The following NCAPD3 variants were observed in gnomAD, a reference collection of about 807,000 sequenced individuals.
NCAPD3 encodes non-SMC condensin II complex subunit D3, also known as condensin-2 complex subunit D3.
In NCAPD3, 105 loss-of-function variants were observed where a neutral mutation model predicts 182.9. The ratio of observed to expected loss-of-function variants is 0.57; its 90% CI spans 0.49 to 0.68. The LOEUF (loss-of-function observed/expected upper bound fraction) is 0.68, where lower values mean the gene tolerates loss of function less well. Ranked by LOEUF, NCAPD3 falls within the 30% of genes least tolerant of loss-of-function variation. The probability of loss-of-function intolerance (pLI) is 0.00; values close to 1 mark genes in which losing one functional copy is unlikely to be tolerated. For synonymous variants in NCAPD3, 815 were observed against 679.9 expected, an observed-to-expected ratio of 1.20 and a Z score of -3.09; for missense variants, 1,944 against 1,837.0, an observed-to-expected ratio of 1.06 and a Z score of -1.07.
At chr11:134,222,102 C>T (rs1327056375) in intron 1 of NCAPD3, among the ~76,000 whole-genome samples, 1 of 152,204 alleles carries the variant, frequency 6.6e-6, no homozygotes, top group Non-Finnish European at 1.5e-5. Flanking sequence ...ACCATTTGGT[C>T]ACAGAAGTCT....
At chr11:134,193,690 T>C (rs1944568778) in intron 15 of NCAPD3, among the ~76,000 whole-genome samples, 1 of 152,176 alleles carries the variant, frequency 6.6e-6, no homozygotes, top group Admixed American at 6.5e-5. Context: ...GAGGCAGAAG[T>C]TGCAGTGAGC....
At chr11:134,167,269 A>G (rs1187434372) in intron 27 of NCAPD3, among the ~76,000 whole-genome samples, 1 of 81,286 alleles carries the variant, frequency 1.2e-5, no homozygotes, top group Non-Finnish European at 2.4e-5. Flanking sequence ...TTAGGGGAGC[A>G]GCACACTCAC....
chr11:134,165,857 G>A (rs1247212328), intron 27 of NCAPD3, among the ~76,000 whole-genome samples: 2 of 139,130 alleles, frequency 1.4e-5, no homozygotes, highest in African/African-American at 5.5e-5. Context: ...GATGAGCTTA[G>A]GGGAGCTGCA....
At chr11:134,171,568 C>A (rs375865735) in intron 24 of NCAPD3, among the ~76,000 whole-genome samples, 1 of 152,164 alleles carries the variant, frequency 6.6e-6, no homozygotes, top group Non-Finnish European at 1.5e-5. Context: ...AGGACTGGGG[C>A]TCAGACCCAT....
At chr11:134,224,365 C>G, upstream of NCAPD3, 1 of 232,682 alleles carries the variant, frequency 4.3e-6, no homozygotes, top group East Asian at 1.3e-4. Flanking sequence ...GCGTAATATC[C>G]GAATGTGAAA....
intron 19 of NCAPD3, among the ~76,000 whole-genome samples, chr11:134,182,316 A>G (rs572029946): frequency 1.3e-5 from 2 of 152,364 alleles, no homozygotes; most frequent in Admixed American, 1.3e-4. Context: ...CATTTTGGGC[A>G]GACCTCAGTA....
intron 28 of NCAPD3, among the ~76,000 whole-genome samples, chr11:134,160,705 C>T (rs989566891): frequency 6.6e-6 from 1 of 152,120 alleles, no homozygotes; most frequent in Non-Finnish European, 1.5e-5. Context: ...TTCCACCTAA[C>T]AGTAATAGGG....
chr11:134,212,768 A>C (rs755647542), intron 3 of NCAPD3, among the ~76,000 whole-genome samples: 1 of 152,336 alleles, frequency 6.6e-6, no homozygotes, highest in Non-Finnish European at 1.5e-5. Flanking sequence ...ATAAACTGTG[A>C]GAAGTGCCTA....
At position 134,209,429 on chromosome 11, in the gene NCAPD3, C is replaced by A. The variant is rs1463009993; in HGVS notation, c.616G>T (p.Ala206Ser). 1 of 1,613,376 alleles carries A rather than the reference C, an allele frequency of 6.2e-7. No individual in the cohort carries two copies. Among genetic ancestry groups the A allele is most frequent in the Admixed American group, 1.7e-5 (1 of 59,998 alleles). ...TTTCGAATTTGAGAAAGGTCCCGGG[C>A]AGAAAAACAAATATTCTCATCTTCT... ...EQEDENICFS[A>S]RDLSQIRNAI... Residue 206 changes from alanine (A) to serine (S), a missense_variant, in exon 5 of 35, where the codon GCC (alanine) becomes TCC (serine). By Grantham distance (99) the Ala-to-Ser change is moderately conservative (BLOSUM62 1). Around this residue, in one of 3 missense-constraint regions of NCAPD3, gnomAD observed 1,803 missense variants for 1,674.6 expected, o/e 1.08. Transcript: ENST00000534548.
At position 134,152,972 on chromosome 11, in the gene NCAPD3, C is replaced by T. The variant is rs147905924; in HGVS notation, c.4469G>A (p.Arg1490Gln). The part of the protein sequence containing the change: ...DTPACSRRSL[R>Q]KTPLKTAN ...GTTGGCTGTTTTCAGAGGGGTCTTT[C>T]GGAGGGACCTCCTGCTGCAGGCTGG... The change falls in exon 35 of 35, where the codon CGA (arginine) becomes CAA (glutamine). Residue 1490 changes from arginine to glutamine, a missense_variant. Physicochemically the swap from Arg to Gln is conservative, Grantham distance 43. Around this residue, in one of 3 missense-constraint regions of NCAPD3, gnomAD observed 1,803 missense variants for 1,674.6 expected, o/e 1.08. Coordinates refer to ENST00000534548, the MANE Select transcript of NCAPD3 (RefSeq NM_015261.3). 742 of 1,570,438 alleles carry T rather than the reference C, an allele frequency of 4.7e-4. 4 individuals carry two copies. In the African/African-American group the frequency reaches 9.1e-3, roughly 19 times the overall value.
At chr11:134,185,063 C>T in intron 17 of NCAPD3, 63 bp from the exon 18 acceptor site, 2 of 1,304,854 alleles carry the variant, frequency 1.5e-6, no homozygotes, top group Non-Finnish European at 1.1e-6. Context: ...CCAACAAAGG[C>T]CTTTCTTCTG....
Position 134,152,669 on chromosome 11 carries a change from G to A in NCAPD3, c.*275C>T. ...GACCAGATTATAGCTTATCTGAATG[G>A]GCTTGACACTTTCAAATGGAATAAA... On this transcript the variant is annotated 3_prime_UTR_variant, in exon 35 of 35. Coordinates refer to ENST00000534548, the MANE Select transcript of NCAPD3 (RefSeq NM_015261.3). The A allele has an allele frequency of 3.1e-6, 1 of 325,984 alleles. No homozygotes were observed. The highest frequency in any genetic ancestry group is 5.5e-6 in the Non-Finnish European group (1 of 180,190). The allele number at this position is 325,984 out of a possible 1,614,324, so 20.2% of individuals were successfully genotyped here.
upstream of NCAPD3, chr11:134,224,967 G>A (rs1938409321): frequency 4.1e-6 from 2 of 483,988 alleles, no homozygotes; most frequent in East Asian, 4.8e-5. Flanking sequence ...GCTGTCCGTC[G>A]GCGCCCACTG....
In NCAPD3 at chr11:134,178,948, AT is replaced by A; in HGVS notation, c.2560-13del. On this transcript the variant is annotated splice_polypyrimidine_tract_variant and intron_variant, in intron 20 of 34. Transcript: ENST00000534548. Reference sequence around the variant, plus strand: ...AAAATGTACTTCACCTACAAAGATAATTGGTTTTACAGTAAAAATAAGGCAA... The same window carrying A: ...AAAATGTACTTCACCTACAAAGATAATGGTTTTACAGTAAAAATAAGGCAA... The A allele has an allele frequency of 6.3e-7, 1 of 1,592,074 alleles. No individual in the cohort carries two copies. The highest frequency in any genetic ancestry group is 1.1e-5 in the South Asian group (1 of 90,272).
At chr11:134,170,375 G>T (rs953152507) in intron 24 of NCAPD3, among the ~76,000 whole-genome samples, 1 of 152,124 alleles carries the variant, frequency 6.6e-6, no homozygotes, top group Non-Finnish European at 1.5e-5. Flanking sequence ...AAAGGCAAAG[G>T]TCACAGCATC....
At chr11:134,184,268 G>A (rs1305741291) in intron 19 of NCAPD3, among the ~76,000 whole-genome samples, 1 of 152,230 alleles carries the variant, frequency 6.6e-6, no homozygotes, top group African/African-American at 2.4e-5. Context: ...GTTCTGGAGG[G>A]AACTTCCTGC....
intron 2 of NCAPD3, among the ~76,000 whole-genome samples, chr11:134,217,648 TCTC>T (rs1183496866): frequency 7.9e-5 from 12 of 152,136 alleles, no homozygotes; most frequent in African/African-American, 2.9e-4. Context: ...TTCCATGTCT[TCTC>T]CTACTAAACA....
Position 134,158,158 on chromosome 11 carries a change from C to T in NCAPD3, c.4035-91G>A, listed in dbSNP as rs982014115. On this transcript the variant is annotated intron_variant, in intron 30 of 34. Transcript: ENST00000534548. ...ACTGTGTCCCCGCGTGCCTCCTCAC[C>T]GGCGCATCCCTCACCACCCTCATTC... The T allele has an allele frequency of 4.9e-5, 75 of 1,531,754 alleles. No individual in the cohort carries two copies. In the African/African-American group the frequency reaches 5.9e-4, roughly 12 times the overall value. The allele number at this position is 1,531,754 out of a possible 1,614,324, so 94.9% of individuals were successfully genotyped here.
intron 1 of NCAPD3, chr11:134,223,419 T>C: frequency 1.4e-6 from 1 of 702,528 alleles, no homozygotes. Context: ...TAGCAGGCTT[T>C]GGGAATCCCA....
Sources: gnomAD v4.1 joint callset for allele counts (sites outside exome capture counted in the v4.1 genomes callset) on GRCh38, gnomAD v4.1.1 for gene constraint, gnomAD v4.1.1 regional missense constraint, MANE v1.5 for transcripts, NCBI Gene and HGNC (gene_info 2026-07-23, HGNC 2026-07-21) for gene names.